The following REPS1 variants were observed in gnomAD, a reference collection of about 807,000 sequenced individuals.
REPS1 encodes the protein ralBP1-associated Eps domain-containing protein 1.
A neutral mutation model predicts 100.9 loss-of-function variants in REPS1; 39 were observed. The observed-to-expected ratio is 0.39, with a 90% confidence interval of 0.30 to 0.50. The LOEUF (loss-of-function observed/expected upper bound fraction) is 0.50. Ranked by LOEUF, REPS1 falls within the 20% of genes least tolerant of loss-of-function variation. The pLI, the probability that REPS1 is intolerant of heterozygous loss-of-function variation, is 0.86. For synonymous variants in REPS1, 324 were observed against 340.3 expected (o/e 0.95, Z 0.53); for missense variants, 821 against 968.5 (o/e 0.85, Z 2.02).
At chr6:138,943,431 A>T in intron 7 of REPS1, 82 bp downstream of exon 7, 1 of 814,902 alleles carries the variant, frequency 1.2e-6, no homozygotes, top group Non-Finnish European at 2.0e-6. Flanking sequence ...TTAGTTGTTT[A>T]TTTTTTAAGG....
chr6:138,935,606 T>A (rs1188446933), intron 8 of REPS1, among the ~76,000 whole-genome samples: 1 of 151,836 alleles, frequency 6.6e-6, no homozygotes, highest in Non-Finnish European at 1.5e-5. Context: ...TCCCAACACT[T>A]TGGGAATGGA....
chr6:138,922,307 T>C (rs1041839972), intron 10 of REPS1, among the ~76,000 whole-genome samples: 2 of 152,168 alleles, frequency 1.3e-5, no homozygotes, highest in South Asian at 4.1e-4. Flanking sequence ...GTCTCAAAAT[T>C]TAGCATGAAA....
chr6:138,973,109 A>T (rs180738049), intron 1 of REPS1, among the ~76,000 whole-genome samples: 6 of 152,328 alleles, frequency 3.9e-5, no homozygotes, highest in African/African-American at 7.2e-5. Context: ...AGAATAACCT[A>T]AAGTACAAAT....
intron 8 of REPS1, among the ~76,000 whole-genome samples, chr6:138,933,714 G>T (rs1781621771): frequency 6.6e-6 from 1 of 151,910 alleles, no homozygotes; most frequent in Non-Finnish European, 1.5e-5. Flanking sequence ...TGGAGAATAT[G>T]GTTATTTTCC....
chr6:138,969,269 A>ATTTTTTTTTTTT lies in REPS1; in HGVS notation c.153+18249_153+18260dup, dbSNP rs71013004. Reference sequence around the variant, plus strand: ...ACACAATCTATGATACAAAGCTGTAATTTTTTTTTTTTTTTTTTTTTTTTT... The same window carrying ATTTTTTTTTTTT: ...ACACAATCTATGATACAAAGCTGTAATTTTTTTTTTTTTTTTTTTTTTTTTTTTTTTTTTTTT... On this transcript the variant is annotated intron_variant, in intron 1 of 19. Transcript: ENST00000450536. Among the ~76,000 whole-genome samples the ATTTTTTTTTTTT allele has an allele frequency of 1.5e-3, 115 of 74,240 alleles. 12 individuals are homozygous for ATTTTTTTTTTTT. Among genetic ancestry groups the ATTTTTTTTTTTT allele is most frequent in the African/African-American group, 3.5e-3 (73 of 20,888 alleles). The allele number at this position is 74,240 out of a possible 152,430, so 48.7% of individuals were successfully genotyped here. A position where few individuals can be genotyped will look rare whatever the true frequency, so the allele number is the denominator to read the frequency against.
At chr6:138,958,245 A>C (rs1357120832) in intron 1 of REPS1, among the ~76,000 whole-genome samples, 1 of 152,244 alleles carries the variant, frequency 6.6e-6, no homozygotes, top group Non-Finnish European at 1.5e-5. Flanking sequence ...AATAAGTTCG[A>C]AGTGGTTTTT....
rs1490512701 is a variant in REPS1, at chr6:138,987,690, T to C, written c.-8A>G. The C allele has an allele frequency of 1.3e-6, 2 of 1,537,008 alleles. No homozygotes were observed. The highest frequency in any genetic ancestry group is 2.0e-5 in the Admixed American group (1 of 49,578). On this transcript the variant is annotated 5_prime_UTR_variant, in exon 1 of 20. Coordinates refer to ENST00000450536, the MANE Select transcript of REPS1 (RefSeq NM_001286611.2). ...CAGCGTTAAGCCTTCCATCTTCGCC[T>C]CCGGCTCACGGCCGCCCCGCCCCGC... is the stretch of plus-strand genomic sequence containing the variant.
chr6:138,988,026 C>T lies in REPS1; in HGVS notation c.-344G>A, dbSNP rs922682722. ...CGCGAGGCACTGGCGGACTCCGCCC[C>T]CGCCGCGGGTTCGAGTCTCCCCGGC... On this transcript the variant is annotated 5_prime_UTR_variant, in exon 1 of 20. Transcript: ENST00000450536. 46 of 396,876 alleles carry T rather than the reference C, an allele frequency of 1.2e-4. No homozygotes were observed. The East Asian group carries it at 1.3e-3, about 11-fold the overall frequency. 24.6% of individuals were successfully genotyped at this position (396,876 alleles called of 1,614,324 possible).
At chr6:138,914,078 GT>G (rs1480908060) in intron 15 of REPS1, among the ~76,000 whole-genome samples, 1 of 151,850 alleles carries the variant, frequency 6.6e-6, no homozygotes, top group Non-Finnish European at 1.5e-5. Context: ...GGGGTATTTT[GT>G]TTTGTTTTGA....
chr6:138,960,096 C>A (rs1371325509), intron 1 of REPS1, among the ~76,000 whole-genome samples: 1 of 152,182 alleles, frequency 6.6e-6, no homozygotes, highest in Non-Finnish European at 1.5e-5. Flanking sequence ...TATATAACAG[C>A]CTCTTTGGAG....
At chr6:138,973,856 G>A (rs182693781) in intron 1 of REPS1, among the ~76,000 whole-genome samples, 1 of 152,202 alleles carries the variant, frequency 6.6e-6, no homozygotes, top group East Asian at 1.9e-4. Context: ...GGCTGGCAAT[G>A]TATATTAAGG....
intron 8 of REPS1, among the ~76,000 whole-genome samples, chr6:138,932,467 C>A (rs915756930): frequency 5.3e-5 from 8 of 151,096 alleles, no homozygotes; most frequent in Non-Finnish European, 1.2e-4. Flanking sequence ...TTACCCCCCC[C>A]CACATACATA....
At chr6:138,939,509 T>A (rs1192679429) in intron 8 of REPS1, among the ~76,000 whole-genome samples, 1 of 152,194 alleles carries the variant, frequency 6.6e-6, no homozygotes, top group Non-Finnish European at 1.5e-5. Context: ...AAATTAAATA[T>A]ATGCAAAAGC....
At chr6:138,933,907 T>C (rs969069883) in intron 8 of REPS1, among the ~76,000 whole-genome samples, 1 of 152,082 alleles carries the variant, frequency 6.6e-6, no homozygotes, top group African/African-American at 2.4e-5. Context: ...ATTTAAAAGT[T>C]TGTTCCACAT....
rs1781601744 is a variant in REPS1 at position 138,933,364 on chromosome 6, GT to G, written c.1136-3267del. ...GCAGTCCTAGACAATTCATAAATAA[GT>G]GATGAGCACTGCTGTGTTCTAATAC... On this transcript the variant is annotated intron_variant, in intron 8 of 19. Coordinates refer to ENST00000450536, the MANE Select transcript of REPS1 (RefSeq NM_001286611.2). Among the ~76,000 whole-genome samples, 4 of 152,336 alleles carry G rather than the reference GT, an allele frequency of 2.6e-5. No individual in the cohort carries two copies. The South Asian group carries it at 8.3e-4, about 32-fold the overall frequency.
At chr6:138,956,809 CAG>C (rs1454691838) in intron 1 of REPS1, among the ~76,000 whole-genome samples, 1 of 144,506 alleles carries the variant, frequency 6.9e-6, no homozygotes, top group Non-Finnish European at 1.5e-5. Context: ...AATTTACAAA[CAG>C]AAAAAAAAAA....
intron 8 of REPS1, among the ~76,000 whole-genome samples, chr6:138,937,687 T>G (rs931242745): frequency 3.3e-5 from 5 of 152,350 alleles, no homozygotes; most frequent in Middle Eastern, 3.4e-3. Context: ...TCTCAGAGAC[T>G]GCTGAGTTGC....
chr6:138,920,181 A>T (rs1437222532), intron 12 of REPS1, 34 bp downstream of exon 12: 1 of 1,123,548 alleles, frequency 8.9e-7, no homozygotes, highest in East Asian at 2.4e-5. Flanking sequence ...CAGACTTAGT[A>T]AACTTCAAAT....
At chr6:138,977,270 T>C (rs1784647459) in intron 1 of REPS1, among the ~76,000 whole-genome samples, 1 of 152,230 alleles carries the variant, frequency 6.6e-6, no homozygotes, top group Non-Finnish European at 1.5e-5. Flanking sequence ...ATAGATTTGC[T>C]TTTTGTAGAC....
Sources: allele counts gnomAD v4.1 joint callset (sites outside exome capture counted in the v4.1 genomes callset), GRCh38; gene constraint gnomAD v4.1.1; transcripts MANE v1.5; gene names NCBI Gene and HGNC (gene_info 2026-07-23, HGNC 2026-07-21).